AFF2: variants seen among roughly 807,000 people sequenced by gnomAD.
AFF2 encodes the protein AF4/FMR2 family member 2.
A neutral mutation model predicts 76.9 loss-of-function variants in AFF2; 14 were observed. The observed-to-expected ratio is 0.18, with a 90% CI of 0.12 to 0.28. The LOEUF is 0.28. Ranked by LOEUF, AFF2 falls within the 10% of genes least tolerant of loss-of-function variation. AFF2 has a pLI of 1.00. For missense variants in AFF2, 868 were observed against 1,001.1 expected, an observed-to-expected ratio of 0.87 and a Z score of 1.79; for synonymous variants, 398 against 366.7, an observed-to-expected ratio of 1.09 and a Z score of -0.98.
chrX:148,572,835 G>T (rs1215990664), intron 1 of AFF2, among the ~76,000 whole-genome samples: 6 of 111,229 alleles, frequency 5.4e-5, no homozygotes, highest in Non-Finnish European at 1.1e-4. Context: ...AGATAGTGGT[G>T]TTTGTTGCAC....
Position 148,831,291 on chromosome X carries a change from TTAAAG to T in AFF2, c.1087-6350_1087-6346del, listed in dbSNP as rs1345715596. 5.3e-5 allele frequency among the ~76,000 whole-genome samples: 6 copies of T among 112,153 alleles called. No individual in the cohort carries two copies. In the Admixed American group the frequency reaches 5.7e-4, roughly 11 times the overall value. On this transcript the variant is annotated intron_variant, in intron 4 of 20. Transcript: ENST00000370460. Reference sequence around the variant, plus strand: ...TTACGAAGATGACAGGATTAAGAGATTAAAGTAAAGACAGGCATAGGAAATCACAA... The same window carrying T: ...TTACGAAGATGACAGGATTAAGAGATTAAAGACAGGCATAGGAAATCACAA...
intron 1 of AFF2, among the ~76,000 whole-genome samples, chrX:148,503,968 A>C (rs1279458893): frequency 8.9e-6 from 1 of 112,215 alleles, no homozygotes; most frequent in East Asian, 2.8e-4. Context: ...TGAAAGAAAA[A>C]GATGGCACAG....
intron 1 of AFF2, among the ~76,000 whole-genome samples, chrX:148,568,734 G>T (rs2124321577): frequency 8.9e-6 from 1 of 111,941 alleles, no homozygotes; most frequent in African/African-American, 3.2e-5. Flanking sequence ...ATTTCTTTCT[G>T]CTCACAAATA....
intron 9 of AFF2, among the ~76,000 whole-genome samples, chrX:148,935,372 G>A (rs2071762032): frequency 1.0e-5 from 1 of 95,893 alleles, no homozygotes; most frequent in South Asian, 5.7e-4. Flanking sequence ...CTAACAATAA[G>A]CTTAAACTTG....
At position 148,809,919 on chromosome X, in the gene AFF2, G is replaced by A. The variant is rs368578550; in HGVS notation, c.1085G>A (p.Arg362Gln). ...SDPSCVEEIL[R>Q]EMTHSWPTPL... ...CCAAGCTGTGTTGAAGAAATCTTGC[G>A]GGTGAGTTTAAACCTTTATTTTTGT... Residue 362 changes from arginine (R) to glutamine (Q), a missense_variant and splice_region_variant, in exon 4 of 21, where the codon CGG becomes CAG. By Grantham distance (43) the Arg-to-Gln change is conservative. Coordinates refer to ENST00000370460, the MANE Select transcript of AFF2 (RefSeq NM_002025.4). 5.7e-5 allele frequency: 69 copies of A among 1,207,871 alleles called. No individual in the cohort carries two copies. Among genetic ancestry groups the A allele is most frequent in the African/African-American group, 5.6e-4 (32 of 57,095 alleles).
Position 148,610,972 on chromosome X carries a change from A to G in AFF2, c.48-41027A>G, listed in dbSNP as rs781840462. On this transcript the variant is annotated intron_variant, in intron 1 of 20. Coordinates refer to ENST00000370460, the MANE Select transcript of AFF2 (RefSeq NM_002025.4). ...AACACTGAATGAATTATATTAGTTG[A>G]CATTGAAAGCAGTAACTTATTAAAA... is the stretch of plus-strand genomic sequence containing the variant. Among the ~76,000 whole-genome samples the G allele has an allele frequency of 2.7e-5, 3 of 112,601 alleles. No homozygotes were observed. In the South Asian group the frequency reaches 1.1e-3, roughly 41 times the overall value.
intron 7 of AFF2, among the ~76,000 whole-genome samples, chrX:148,853,430 G>A (rs2070753826): frequency 9.0e-6 from 1 of 111,134 alleles, no homozygotes; most frequent in Non-Finnish European, 1.9e-5. Flanking sequence ...GTGCTTTTCT[G>A]AGCCTTTGTT....
chrX:148,688,329 T>C (rs782644356), intron 3 of AFF2, among the ~76,000 whole-genome samples: 1 of 111,746 alleles, frequency 8.9e-6, no homozygotes, highest in African/African-American at 3.2e-5. Context: ...TTCTTCTAAC[T>C]TACTGCCTTC....
At chrX:148,912,265 C>T (rs1305120379) in intron 9 of AFF2, among the ~76,000 whole-genome samples, 1 of 112,335 alleles carries the variant, frequency 8.9e-6, no homozygotes, top group African/African-American at 3.2e-5. Flanking sequence ...TTGACCCATC[C>T]TCTAGGTTCC....
Position 148,773,681 on chromosome X carries a change from GGAAGGAAAGAAAGAAAGAAAGAAA to G in AFF2, c.1042-36191_1042-36168del, listed in dbSNP as rs1385674331. On this transcript the variant is annotated intron_variant, in intron 3 of 20. Transcript: ENST00000370460. Reference sequence around the variant, plus strand: ...AGGAAGGAAGGAAAGAAGGAAGGAAGGAAGGAAAGAAAGAAAGAAAGAAAGAAAGAAAGAAAGAAAGAAAGAAAG... The same window carrying G: ...AGGAAGGAAGGAAAGAAGGAAGGAAGGAAAGAAAGAAAGAAAGAAAGAAAG... 9.4e-3 allele frequency among the ~76,000 whole-genome samples: 398 copies of G among 42,188 alleles called. 4 individuals are homozygous for G. Among genetic ancestry groups the G allele is most frequent in the African/African-American group, 0.025 (374 of 14,992 alleles). The allele number at this position is 42,188 out of a possible 115,157, so 36.6% of individuals were successfully genotyped here. A position where few individuals can be genotyped will look rare whatever the true frequency, so the allele number is the denominator to read the frequency against.
At chrX:148,720,893 A>G (rs1180663108) in intron 3 of AFF2, among the ~76,000 whole-genome samples, 2 of 111,890 alleles carry the variant, frequency 1.8e-5, no homozygotes, top group African/African-American at 6.5e-5. Context: ...ACTCAGAAGG[A>G]TAAAACAGAT....
chrX:148,964,556 G>A (rs782014569), intron 13 of AFF2, among the ~76,000 whole-genome samples: 19 of 112,010 alleles, frequency 1.7e-4, no homozygotes, highest in Non-Finnish European at 3.6e-4. Flanking sequence ...CCAAAACCAT[G>A]TGATTCCGTT....
chrX:148,960,650 A>G (rs1320845323), intron 12 of AFF2, among the ~76,000 whole-genome samples: 1 of 112,353 alleles, frequency 8.9e-6, no homozygotes, highest in Non-Finnish European at 1.9e-5. Context: ...TAACCTTTCA[A>G]ACAAAATGGG....
intron 3 of AFF2, among the ~76,000 whole-genome samples, chrX:148,757,701 C>A (rs782769348): frequency 1.8e-5 from 2 of 111,778 alleles, no homozygotes; most frequent in Non-Finnish European, 3.8e-5. Context: ...TAACCCCAAT[C>A]TTTACTCTTC....
At chrX:148,581,225 T>TACGTATACGTATACACACATATAC (rs2053375278) in intron 1 of AFF2, among the ~76,000 whole-genome samples, 1 of 18,476 alleles carries the variant, frequency 5.4e-5, no homozygotes, top group African/African-American at 3.8e-4. Flanking sequence ...ATATATAATA[T>TACGTATACGTATACACACATATAC]ACGTATACGT....
At chrX:148,863,351 A>G (rs914010804) in intron 7 of AFF2, among the ~76,000 whole-genome samples, 6 of 111,965 alleles carry the variant, frequency 5.4e-5, no homozygotes, top group Non-Finnish European at 1.1e-4. Context: ...AGTTTACAAG[A>G]CTGTACTCTC....
At chrX:148,739,898 C>CATATATGA (rs1557265470) in intron 3 of AFF2, among the ~76,000 whole-genome samples, 1 of 111,620 alleles carries the variant, frequency 9.0e-6, no homozygotes, top group African/African-American at 3.3e-5. Flanking sequence ...ATCTTTCCTT[C>CATATATGA]ATATATGATG....
chrX:148,837,859 C>G, intron 5 of AFF2, 126 bp downstream of exon 5: 1 of 447,308 alleles, frequency 2.2e-6, no homozygotes, highest in Non-Finnish European at 3.9e-6. Flanking sequence ...TCTCTTGCCC[C>G]TCAGAATAGC....
At chrX:148,897,037 T>C (rs187140677) in intron 8 of AFF2, among the ~76,000 whole-genome samples, 24 of 104,136 alleles carry the variant, frequency 2.3e-4, no homozygotes, top group African/African-American at 6.9e-4. Flanking sequence ...ACATCAAGTC[T>C]GACTCTATCC....
Sources: gnomAD v4.1 joint callset for allele counts (sites outside exome capture counted in the v4.1 genomes callset) on GRCh38, gnomAD v4.1.1 for gene constraint, MANE v1.5 for transcripts, NCBI Gene and HGNC (gene_info 2026-07-23, HGNC 2026-07-21) for gene names.